SDK1: variants seen among roughly 807,000 people sequenced by gnomAD.
SDK1 encodes the protein protein sidekick-1.
Under a neutral mutation model 245.5 loss-of-function variants are expected in SDK1, and 157 were observed. The observed-to-expected ratio is 0.64, with a 90% CI of 0.56 to 0.73. The LOEUF (loss-of-function observed/expected upper bound fraction) is 0.73, where lower values mean the gene tolerates loss of function less well. SDK1 is among the 30% of genes least tolerant of loss of function. The probability of loss-of-function intolerance (pLI) is 0.00; values close to 1 mark genes in which losing one functional copy is unlikely to be tolerated. For synonymous variants in SDK1, 1,647 were observed against 1,278.5 expected (o/e 1.29, Z -6.15); for missense variants, 3,583 against 3,002.3 (o/e 1.19, Z -4.52).
At position 3,962,594 on chromosome 7, in the gene SDK1, T is replaced by C. The variant is rs1443225597; in HGVS notation, c.1235-63T>C. ...TTGGCATTCTAGCCTTTGAAACAGA[T>C]GTGCTTCAGTTCTCACGTCAGGAAT... On this transcript the variant is annotated intron_variant, in intron 8 of 44. Coordinates refer to ENST00000404826, the MANE Select transcript of SDK1 (RefSeq NM_152744.4). The C allele has an allele frequency of 3.7e-6, 5 of 1,352,996 alleles. No individual in the cohort carries two copies. In the Admixed American group the frequency reaches 9.3e-5, roughly 25 times the overall value. 83.8% of individuals were successfully genotyped at this position (1,352,996 alleles called of 1,614,324 possible). A position where few individuals can be genotyped will look rare whatever the true frequency, so the allele number is the denominator to read the frequency against.
chr7:3,821,863 A>C (rs1446378993), intron 5 of SDK1, among the ~76,000 whole-genome samples: 4 of 152,214 alleles, frequency 2.6e-5, no homozygotes, highest in East Asian at 3.9e-4. Context: ...CAGTCAATGC[A>C]TGTTGTTCCT....
chr7:3,493,556 G>C (rs912183108), intron 1 of SDK1, among the ~76,000 whole-genome samples: 2 of 152,204 alleles, frequency 1.3e-5, no homozygotes, highest in African/African-American at 4.8e-5. Context: ...ACAGTCAGTA[G>C]TAATCAAGAA....
chr7:3,629,612 C>G (rs1339692562), intron 2 of SDK1, among the ~76,000 whole-genome samples: 2 of 152,194 alleles, frequency 1.3e-5, no homozygotes, highest in African/African-American at 2.4e-5. Context: ...AGACCAAATA[C>G]TGCTCTGGTT....
intron 1 of SDK1, among the ~76,000 whole-genome samples, chr7:3,554,563 AC>A (rs1779522142): frequency 6.6e-6 from 1 of 152,198 alleles, no homozygotes; most frequent in African/African-American, 2.4e-5. Flanking sequence ...TCACCAAATT[AC>A]CCACAGAAAA....
Position 3,958,672 on chromosome 7 carries a change from A to G in SDK1, c.1151-259A>G, listed in dbSNP as rs182839177. 1.7e-3 allele frequency among the ~76,000 whole-genome samples: 253 copies of G among 152,316 alleles called. 1 individual carries two copies. The highest frequency in any genetic ancestry group is 5.9e-3 in the African/African-American group (247 of 41,576). On this transcript the variant is annotated intron_variant, in intron 7 of 44. Coordinates refer to ENST00000404826, the MANE Select transcript of SDK1 (RefSeq NM_152744.4). Reference sequence around the variant, plus strand: ...TCTTGGGGTAGTCCTTCTAAAATGTAAATTAAGATATTCCATGATTCAAGC... The same window carrying G: ...TCTTGGGGTAGTCCTTCTAAAATGTGAATTAAGATATTCCATGATTCAAGC...
intron 7 of SDK1, among the ~76,000 whole-genome samples, chr7:3,955,627 C>T (rs530769618): frequency 2.0e-5 from 3 of 152,284 alleles, no homozygotes; most frequent in East Asian, 1.9e-4. Flanking sequence ...CTGAGAGGGG[C>T]GACCTGGAAG....
chr7:4,051,842 T>A lies in SDK1; in HGVS notation c.2911+12T>A. On this transcript the variant is annotated intron_variant, in intron 19 of 44. Coordinates refer to ENST00000404826, the MANE Select transcript of SDK1 (RefSeq NM_152744.4). ...GACTCAGGAAGACAGTGAGTATTCCTTTCTGCGTGTCTCTTAAGTCACTTG... is the reference window on the plus strand; with the variant it reads ...GACTCAGGAAGACAGTGAGTATTCCATTCTGCGTGTCTCTTAAGTCACTTG... 6.3e-7 allele frequency: 1 copy of A among 1,599,828 alleles called. No homozygotes were observed. The highest frequency in any genetic ancestry group is 8.5e-7 in the Non-Finnish European group (1 of 1,170,678).
chr7:3,790,436 G>T (rs79610912), intron 4 of SDK1, among the ~76,000 whole-genome samples: 4 of 152,090 alleles, frequency 2.6e-5, no homozygotes, highest in African/African-American at 9.7e-5. Context: ...AGAGAATAGT[G>T]TGGAAAGGTG....
intron 1 of SDK1, among the ~76,000 whole-genome samples, chr7:3,559,812 A>G (rs1030155202): frequency 6.6e-6 from 1 of 151,974 alleles, no homozygotes; most frequent in Non-Finnish European, 1.5e-5. Flanking sequence ...GATGAACTTA[A>G]TGTCAGTGTA....
chr7:3,857,809 A>G (rs1053589541), intron 5 of SDK1, among the ~76,000 whole-genome samples: 2 of 152,224 alleles, frequency 1.3e-5, no homozygotes, highest in Non-Finnish European at 2.9e-5. Context: ...CATCAGGAAT[A>G]AGAGAAATTT....
intron 2 of SDK1, among the ~76,000 whole-genome samples, chr7:3,620,501 C>T (rs1327416747): frequency 6.6e-6 from 1 of 152,102 alleles, no homozygotes; most frequent in Admixed American, 6.6e-5. Flanking sequence ...TGGGGTTTCA[C>T]CATGTTGACC....
At chr7:3,470,995 T>C (rs1444605969) in intron 1 of SDK1, among the ~76,000 whole-genome samples, 2 of 152,222 alleles carry the variant, frequency 1.3e-5, no homozygotes, top group African/African-American at 2.4e-5. Context: ...TCCTCCTCCT[T>C]ATAAACACCC....
At chr7:3,820,872 C>G (rs1372074185) in intron 4 of SDK1, among the ~76,000 whole-genome samples, 1 of 152,178 alleles carries the variant, frequency 6.6e-6, no homozygotes, top group Non-Finnish European at 1.5e-5. Flanking sequence ...ACTTCTAAGA[C>G]ATGGTGAGAT....
chr7:3,624,066 A>G (rs191833703), intron 2 of SDK1, among the ~76,000 whole-genome samples: 4 of 152,218 alleles, frequency 2.6e-5, no homozygotes, highest in Non-Finnish European at 4.4e-5. Context: ...ACCCACGTGG[A>G]AAGTGCGTAA....
At chr7:3,341,077 C>T (rs894000708) in intron 1 of SDK1, among the ~76,000 whole-genome samples, 1 of 152,070 alleles carries the variant, frequency 6.6e-6, no homozygotes, top group Non-Finnish European at 1.5e-5. Context: ...AAAAGAAACT[C>T]CACAGTTCAG....
chr7:3,568,214 A>G (rs963534196), intron 1 of SDK1, among the ~76,000 whole-genome samples: 2 of 152,224 alleles, frequency 1.3e-5, no homozygotes, highest in African/African-American at 4.8e-5. Context: ...ATGTAGTTTA[A>G]TATGCATTTA....
At chr7:4,079,388 G>T in intron 21 of SDK1, 75 bp from the exon 22 acceptor site, 1 of 1,537,384 alleles carries the variant, frequency 6.5e-7, no homozygotes, top group African/African-American at 1.4e-5. Flanking sequence ...TACTTTTGAA[G>T]CTGACACGTT....
At chr7:3,648,767 A>C (rs1021222444) in intron 4 of SDK1, among the ~76,000 whole-genome samples, 2 of 152,206 alleles carry the variant, frequency 1.3e-5, no homozygotes, top group Non-Finnish European at 2.9e-5. Flanking sequence ...TATAGAGTAT[A>C]TGTGTGAACC....
chr7:3,918,589 A>C (rs1779469957), intron 5 of SDK1, among the ~76,000 whole-genome samples: 1 of 152,198 alleles, frequency 6.6e-6, no homozygotes, highest in Non-Finnish European at 1.5e-5. Context: ...TCTGTATTAC[A>C]ATGTAATAAT....
Sources: allele counts gnomAD v4.1 joint callset (sites outside exome capture counted in the v4.1 genomes callset), GRCh38; gene constraint gnomAD v4.1.1; transcripts MANE v1.5; gene names NCBI Gene and HGNC (gene_info 2026-07-23, HGNC 2026-07-21).